The following DLG2 variants were observed in gnomAD, a reference collection of about 807,000 sequenced individuals.
DLG2 encodes the protein disks large homolog 2.
Under a neutral mutation model 132.5 loss-of-function variants are expected in DLG2, and 45 were observed. The observed-to-expected ratio is 0.34, with a 90% CI of 0.27 to 0.44. The LOEUF (loss-of-function observed/expected upper bound fraction) is 0.44. Ranked by LOEUF, DLG2 falls within the 20% of genes least tolerant of loss-of-function variation. DLG2 has a pLI of 1.00. For missense variants in DLG2, 1,045 were observed against 1,196.9 expected, an observed-to-expected ratio of 0.87 and a Z score of 1.87; for synonymous variants, 424 against 419.6, an observed-to-expected ratio of 1.01 and a Z score of -0.13.
At chr11:84,563,083 G>A (rs778929259) in intron 6 of DLG2, among the ~76,000 whole-genome samples, 2 of 152,254 alleles carry the variant, frequency 1.3e-5, no homozygotes, top group East Asian at 3.9e-4. Flanking sequence ...CTTGAGTAAC[G>A]TTTCTACTAA....
intron 3 of DLG2, among the ~76,000 whole-genome samples, chr11:85,403,272 C>G (rs2088363308): frequency 6.6e-6 from 1 of 152,008 alleles, no homozygotes; most frequent in Non-Finnish European, 1.5e-5. Context: ...TATTCACACT[C>G]ATAGGTGGAG....
intron 4 of DLG2, among the ~76,000 whole-genome samples, chr11:85,162,098 C>A (rs1447445127): frequency 6.6e-6 from 1 of 152,154 alleles, no homozygotes; most frequent in Non-Finnish European, 1.5e-5. Flanking sequence ...ACACTTTGGG[C>A]TCCTCCCACT....
At chr11:84,040,881 T>A (rs2096058527) in intron 11 of DLG2, among the ~76,000 whole-genome samples, 1 of 151,946 alleles carries the variant, frequency 6.6e-6, no homozygotes, top group Non-Finnish European at 1.5e-5. Context: ...TTTGTTTGTA[T>A]CCTCTTTTAT....
intron 6 of DLG2, among the ~76,000 whole-genome samples, chr11:84,729,065 T>C (rs892802749): frequency 5.9e-5 from 9 of 151,958 alleles, no homozygotes; most frequent in African/African-American, 2.2e-4. Flanking sequence ...TTTTTGAAGG[T>C]TTTTTTGGGT....
At chr11:84,454,520 G>A (rs1318649974) in intron 7 of DLG2, among the ~76,000 whole-genome samples, 3 of 151,334 alleles carry the variant, frequency 2.0e-5, no homozygotes, top group African/African-American at 7.3e-5. Flanking sequence ...AAAAGCATAT[G>A]TTCATTCAAA....
chr11:83,655,441 A>C (rs2072068020), intron 18 of DLG2, among the ~76,000 whole-genome samples: 2 of 152,150 alleles, frequency 1.3e-5, no homozygotes, highest in Admixed American at 6.5e-5. Flanking sequence ...AAAAGGCTAA[A>C]TTTCAGGGAG....
chr11:83,732,645 G>C (rs748637061), intron 18 of DLG2, among the ~76,000 whole-genome samples: 4 of 152,180 alleles, frequency 2.6e-5, no homozygotes, highest in Non-Finnish European at 4.4e-5. Flanking sequence ...TATTTGAGAA[G>C]ATTTATGTAT....
At chr11:83,790,877 C>A in intron 17 of DLG2, 2 of 752,016 alleles carry the variant, frequency 2.7e-6, no homozygotes, top group East Asian at 4.9e-5. Flanking sequence ...TTGATCCTTC[C>A]AAAGGACACA....
intron 18 of DLG2, among the ~76,000 whole-genome samples, chr11:83,723,251 G>A (rs2089165440): frequency 6.6e-6 from 1 of 151,982 alleles, no homozygotes; most frequent in African/African-American, 2.4e-5. Flanking sequence ...ATGGGGGCGG[G>A]CACCTGTAAT....
At chr11:83,737,105 A>G (rs1357352947) in intron 18 of DLG2, among the ~76,000 whole-genome samples, 1 of 152,250 alleles carries the variant, frequency 6.6e-6, no homozygotes, top group Non-Finnish European at 1.5e-5. Context: ...ATAAAAGCAA[A>G]CAAATCATAC....
At chr11:85,226,562 A>G (rs1446619546) in intron 4 of DLG2, among the ~76,000 whole-genome samples, 1 of 152,194 alleles carries the variant, frequency 6.6e-6, no homozygotes, top group Admixed American at 6.5e-5. Flanking sequence ...TTAAAAAAGA[A>G]AAGAAAAAAC....
intron 7 of DLG2, among the ~76,000 whole-genome samples, chr11:84,351,513 T>C (rs929641032): frequency 6.6e-5 from 10 of 152,220 alleles, no homozygotes; most frequent in Admixed American, 2.0e-4. Context: ...CTCTGAACTT[T>C]ATGTCTTTTA....
intron 9 of DLG2, among the ~76,000 whole-genome samples, chr11:84,121,335 G>C (rs868148215): frequency 1.8e-4 from 27 of 152,090 alleles, no homozygotes; most frequent in African/African-American, 5.5e-4. Context: ...TGGTTATCTG[G>C]TATATAGCAG....
chr11:85,133,143 C>T (rs892468232), intron 5 of DLG2: 6 of 195,660 alleles, frequency 3.1e-5, no homozygotes, highest in Admixed American at 5.1e-5. Context: ...AGTGTAACAC[C>T]AAGCACCAGG....
intron 15 of DLG2, among the ~76,000 whole-genome samples, chr11:83,883,493 G>A (rs2066887953): frequency 6.6e-6 from 1 of 152,120 alleles, no homozygotes; most frequent in Non-Finnish European, 1.5e-5. Flanking sequence ...ACTCATCACT[G>A]TTAGGTAGCT....
chr11:85,503,999 T>C (rs1241131350), intron 3 of DLG2, among the ~76,000 whole-genome samples: 5 of 152,174 alleles, frequency 3.3e-5, no homozygotes, highest in Non-Finnish European at 5.9e-5. Context: ...GTTGGCTGCA[T>C]AAATGTCTTC....
chr11:84,888,702 T>C (rs1386847559), intron 6 of DLG2, among the ~76,000 whole-genome samples: 2 of 152,140 alleles, frequency 1.3e-5, no homozygotes, highest in Non-Finnish European at 2.9e-5. Context: ...TATTAGCTTC[T>C]ATCCTCCAAT....
chr11:84,821,004 T>C (rs921487434), intron 6 of DLG2, among the ~76,000 whole-genome samples: 2 of 151,956 alleles, frequency 1.3e-5, no homozygotes, highest in African/African-American at 2.4e-5. Flanking sequence ...AGATAGACTG[T>C]AAATGCAGTA....
intron 11 of DLG2, among the ~76,000 whole-genome samples, chr11:84,036,984 G>C (rs186945825): frequency 7.0e-4 from 107 of 152,230 alleles, no homozygotes; most frequent in African/African-American, 2.5e-3. Flanking sequence ...TCAGGAAAAA[G>C]ATCATTATCA....
Sources: allele counts gnomAD v4.1 joint callset (sites outside exome capture counted in the v4.1 genomes callset), GRCh38; gene constraint gnomAD v4.1.1; transcripts MANE v1.5; gene names NCBI Gene and HGNC (gene_info 2026-07-23, HGNC 2026-07-21).